The following MAGI1 variants were observed in gnomAD, a reference collection of about 807,000 sequenced individuals.
The protein encoded by MAGI1 is membrane-associated guanylate kinase, WW and PDZ domain-containing protein 1.
MAGI1 carries 58 observed loss-of-function variants against 139.9 expected under a neutral mutation model. That is an observed-to-expected ratio of 0.41 (90% CI 0.34 to 0.52). The LOEUF is 0.52. Ranked by LOEUF, MAGI1 falls within the 20% of genes least tolerant of loss-of-function variation. MAGI1 has a pLI of 0.12. For synonymous variants in MAGI1, 812 were observed against 737.9 expected (o/e 1.10, Z -1.63); for missense variants, 1,874 against 1,901.6 (o/e 0.99, Z 0.27).
At chr3:65,851,748 C>CA (rs940359797) in intron 1 of MAGI1, among the ~76,000 whole-genome samples, 11 of 147,716 alleles carry the variant, frequency 7.4e-5, no homozygotes, top group South Asian at 6.4e-4. Flanking sequence ...GTCTCTGTCT[C>CA]AAAAAAAAAA....
intron 2 of MAGI1, among the ~76,000 whole-genome samples, chr3:65,588,831 T>C (rs1037606915): frequency 2.0e-5 from 3 of 152,232 alleles, no homozygotes; most frequent in African/African-American, 7.2e-5. Flanking sequence ...TGAATGATAG[T>C]AGAGTCAGGA....
intron 7 of MAGI1, among the ~76,000 whole-genome samples, chr3:65,445,086 G>C (rs1294926012): frequency 6.6e-6 from 1 of 152,122 alleles, no homozygotes; most frequent in Non-Finnish European, 1.5e-5. Context: ...AGGAATCCTC[G>C]TATGACTAAC....
intron 1 of MAGI1, among the ~76,000 whole-genome samples, chr3:65,851,000 A>T (rs979182227): frequency 5.3e-5 from 8 of 152,130 alleles, no homozygotes; most frequent in Admixed American, 2.6e-4. Context: ...CTAGCTACTC[A>T]GGAGGCTGAA....
At chr3:65,531,557 TG>T (rs1464468601) in intron 2 of MAGI1, among the ~76,000 whole-genome samples, 1 of 152,238 alleles carries the variant, frequency 6.6e-6, no homozygotes, top group East Asian at 1.9e-4. Context: ...ATTCTCAAAC[TG>T]AACTACTATA....
intron 12 of MAGI1, among the ~76,000 whole-genome samples, chr3:65,428,261 G>A (rs1947211096): frequency 6.6e-6 from 1 of 152,156 alleles, no homozygotes; most frequent in African/African-American, 2.4e-5. Flanking sequence ...AACAAATCAT[G>A]GTAGCAAGGA....
At chr3:65,487,160 T>C (rs1209717885) in intron 3 of MAGI1, among the ~76,000 whole-genome samples, 1 of 152,184 alleles carries the variant, frequency 6.6e-6, no homozygotes, top group Non-Finnish European at 1.5e-5. Context: ...AGCTCAACCA[T>C]CAGATCTCAC....
intron 2 of MAGI1, among the ~76,000 whole-genome samples, chr3:65,587,920 G>A (rs1036515608): frequency 1.3e-5 from 2 of 152,154 alleles, no homozygotes; most frequent in Non-Finnish European, 2.9e-5. Flanking sequence ...TCTACAAAAT[G>A]TATGGCAAGC....
chr3:65,439,175 C>T (rs1948063140), intron 9 of MAGI1, among the ~76,000 whole-genome samples: 1 of 151,820 alleles, frequency 6.6e-6, no homozygotes, highest in Admixed American at 6.6e-5. Flanking sequence ...TATTACGTCA[C>T]CATTAAAAAG....
intron 17 of MAGI1, among the ~76,000 whole-genome samples, chr3:65,378,848 C>CT (rs1942795558): frequency 6.6e-6 from 1 of 152,020 alleles, no homozygotes; most frequent in South Asian, 2.1e-4. Context: ...CGCCCAGCTA[C>CT]TTTTTGTACT....
chr3:65,817,469 A>G (rs571814425), intron 1 of MAGI1, among the ~76,000 whole-genome samples: 25 of 152,318 alleles, frequency 1.6e-4, no homozygotes, highest in African/African-American at 5.8e-4. Flanking sequence ...AAACCCAGGC[A>G]TGGTACCAAT....
chr3:65,892,797 G>A (rs2060820742), intron 1 of MAGI1, among the ~76,000 whole-genome samples: 1 of 152,134 alleles, frequency 6.6e-6, no homozygotes, highest in South Asian at 2.1e-4. Context: ...GCTAGGTTAG[G>A]AAACAGATTC....
intron 2 of MAGI1, among the ~76,000 whole-genome samples, chr3:65,516,700 A>T (rs2077898694): frequency 6.7e-6 from 1 of 149,054 alleles, no homozygotes; most frequent in South Asian, 2.1e-4. Context: ...TTGGGAAGAA[A>T]CATAGTACAT....
chr3:65,439,750 A>G, intron 9 of MAGI1, 129 bp downstream of exon 9: 1 of 1,540,466 alleles, frequency 6.5e-7, no homozygotes, highest in Non-Finnish European at 8.7e-7. Flanking sequence ...CCCACAGGAC[A>G]TCAGCTCTTC....
chr3:65,656,651 A>G (rs1034718462), intron 1 of MAGI1, among the ~76,000 whole-genome samples: 3 of 152,110 alleles, frequency 2.0e-5, no homozygotes, highest in African/African-American at 7.2e-5. Context: ...GATGGGAATA[A>G]AGGATATTTA....
intron 12 of MAGI1, among the ~76,000 whole-genome samples, chr3:65,404,297 A>C (rs1945151248): frequency 6.6e-6 from 1 of 152,228 alleles, no homozygotes; most frequent in South Asian, 2.1e-4. Flanking sequence ...ACCAGTCTGA[A>C]GGATATGGGG....
Position 65,864,924 on chromosome 3 carries a change from T to C in MAGI1, c.313+173072A>G, listed in dbSNP as rs142683602. ...ATGCAAATGGTCATCATTATCAAAA[T>C]GATAAGACACTAAGCAGCACTCCTC... On this transcript the variant is annotated intron_variant, in intron 1 of 22. Coordinates refer to ENST00000402939, the MANE Select transcript of MAGI1 (RefSeq NM_001033057.2). Among the ~76,000 whole-genome samples the C allele has an allele frequency of 8.0e-3, 1,216 of 152,244 alleles. 9 individuals carry two copies. The highest frequency in any genetic ancestry group is 0.014 in the Middle Eastern group (4 of 294).
Position 65,763,938 on chromosome 3 carries a change from C to T in MAGI1, c.314-141850G>A, listed in dbSNP as rs113516495. 2.3e-3 allele frequency among the ~76,000 whole-genome samples: 352 copies of T among 151,406 alleles called. 1 individual carries two copies. The highest frequency in any genetic ancestry group is 4.1e-3 in the Non-Finnish European group (280 of 67,816). On this transcript the variant is annotated intron_variant, in intron 1 of 22. Transcript: ENST00000402939. Reference sequence around the variant, plus strand: ...AATAAAAAAATTAGCCAGGTGTGGTCGCTGGCACCTTTAGTGCCAGCTACT... The same window carrying T: ...AATAAAAAAATTAGCCAGGTGTGGTTGCTGGCACCTTTAGTGCCAGCTACT...
intron 1 of MAGI1, among the ~76,000 whole-genome samples, chr3:65,776,706 C>T (rs553229847): frequency 6.6e-6 from 1 of 152,194 alleles, no homozygotes; most frequent in African/African-American, 2.4e-5. Context: ...CCCCGCAACA[C>T]ACACACAGAA....
At chr3:65,895,530 A>G (rs2060932806) in intron 1 of MAGI1, among the ~76,000 whole-genome samples, 1 of 152,214 alleles carries the variant, frequency 6.6e-6, no homozygotes, top group African/African-American at 2.4e-5. Flanking sequence ...TCTTCAAACA[A>G]TAATCTAATT....
Sources: gnomAD v4.1 joint callset for allele counts (sites outside exome capture counted in the v4.1 genomes callset) on GRCh38, gnomAD v4.1.1 for gene constraint, MANE v1.5 for transcripts, NCBI Gene and HGNC (gene_info 2026-07-23, HGNC 2026-07-21) for gene names.